Variants in PCDH15 observed in about 807,000 individuals in gnomAD.
PCDH15 encodes the protein protocadherin-15.
PCDH15 carries 129 observed loss-of-function variants against 178.5 expected under a neutral mutation model. The ratio of observed to expected loss-of-function variants is 0.72; its 90% confidence interval spans 0.63 to 0.84. PCDH15 has a LOEUF of 0.84. Among genes scored for constraint, PCDH15 ranks in the 40% least tolerant of loss-of-function variants. The pLI is 0.00. For missense variants in PCDH15, 2,230 were observed against 2,099.9 expected (o/e 1.06, Z -1.21); for synonymous variants, 800 against 732.0 (o/e 1.09, Z -1.50).
intron 2 of PCDH15, among the ~76,000 whole-genome samples, chr10:55,131,570 C>A (rs1838045983): frequency 1.3e-5 from 2 of 152,146 alleles, no homozygotes; most frequent in South Asian, 4.1e-4. Context: ...GGTATACAGA[C>A]AACTGGAGCA....
intron 2 of PCDH15, among the ~76,000 whole-genome samples, chr10:54,987,751 T>C (rs1184946776): frequency 2.0e-5 from 3 of 152,046 alleles, no homozygotes; most frequent in Non-Finnish European, 4.4e-5. Context: ...TTATAGATTC[T>C]GGATATAAGA....
rs79504036 is a variant in PCDH15, at chr10:54,174,386, A to T, written c.1590+9058T>A. On this transcript the variant is annotated intron_variant, in intron 13 of 37. Coordinates refer to ENST00000644397, the MANE Select transcript of PCDH15 (RefSeq NM_001384140.1). The stretch of plus-strand genomic sequence containing the variant: ...TCTCTAATAAAAATACAAAAAAAAA[A>T]TTGCCGGGCATGGTGGTGGGCTCCT... Among the ~76,000 whole-genome samples the T allele has an allele frequency of 2.0e-5, 3 of 151,764 alleles. No individual in the cohort carries two copies. In the South Asian group the frequency reaches 6.2e-4, roughly 32 times the overall value.
At chr10:53,914,627 TG>T (rs1423594977) in intron 25 of PCDH15, among the ~76,000 whole-genome samples, 1 of 152,070 alleles carries the variant, frequency 6.6e-6, no homozygotes, top group Non-Finnish European at 1.5e-5. Flanking sequence ...AGTTGGGGGC[TG>T]GCGGAGGGAT....
intron 3 of PCDH15, among the ~76,000 whole-genome samples, chr10:54,847,855 T>C (rs1223847633): frequency 6.6e-6 from 1 of 152,156 alleles, no homozygotes; most frequent in Non-Finnish European, 1.5e-5. Context: ...TCAAGAACAT[T>C]GCTCAAACTG....
chr10:54,129,768 T>G (rs2042274717), intron 15 of PCDH15, among the ~76,000 whole-genome samples: 1 of 152,176 alleles, frequency 6.6e-6, no homozygotes, highest in Non-Finnish European at 1.5e-5. Flanking sequence ...ATGGAACCCT[T>G]TGTATACAAA....
intron 1 of PCDH15, among the ~76,000 whole-genome samples, chr10:55,248,241 T>C (rs568252128): frequency 1.0e-3 from 156 of 152,068 alleles, no homozygotes; most frequent in African/African-American, 3.4e-3. Context: ...TATAATACTA[T>C]ATATCAGATT....
intron 3 of PCDH15, among the ~76,000 whole-genome samples, chr10:54,435,902 A>G (rs1399971330): frequency 1.3e-5 from 2 of 151,802 alleles, no homozygotes; most frequent in Admixed American, 6.6e-5. Context: ...CCCGGGAAGC[A>G]GAGCTTGCAG....
intron 1 of PCDH15, among the ~76,000 whole-genome samples, chr10:55,237,138 G>GA (rs1249260471): frequency 2.0e-5 from 3 of 152,016 alleles, no homozygotes; most frequent in Admixed American, 1.3e-4. Flanking sequence ...TTTAACATTA[G>GA]AAAAGTTTAA....
chr10:54,200,226 T>A (rs1049237191), intron 10 of PCDH15, among the ~76,000 whole-genome samples: 5 of 150,256 alleles, frequency 3.3e-5, no homozygotes, highest in African/African-American at 1.2e-4. Context: ...AAGAAAGAAA[T>A]CATGTTTTCC....
At chr10:54,036,247 T>A (rs2135468907) in intron 18 of PCDH15, among the ~76,000 whole-genome samples, 1 of 152,086 alleles carries the variant, frequency 6.6e-6, no homozygotes, top group East Asian at 1.9e-4. Context: ...AAAAACAGAT[T>A]TCCAATGTAG....
At chr10:55,315,141 C>T (rs1157206041) in intron 1 of PCDH15, among the ~76,000 whole-genome samples, 3 of 152,016 alleles carry the variant, frequency 2.0e-5, no homozygotes, top group African/African-American at 7.2e-5. Flanking sequence ...CATATACTTA[C>T]TGTACTTTCT....
rs57774224 is a variant in PCDH15, at chr10:55,560,313, C to T, written c.-156+67312G>A. Among the ~76,000 whole-genome samples, 519 of 151,920 alleles carry T rather than the reference C, an allele frequency of 3.4e-3. 1 individual carries two copies. Among genetic ancestry groups the T allele is most frequent in the African/African-American group, 0.011 (454 of 41,510 alleles). ...ATCCAGTATTCTTAGACTGGGAATG[C>T]TTGATGTTTTTTCCAACATTGTGAA... On this transcript the variant is annotated intron_variant, in intron 2 of 5. Transcript: ENST00000613346.
At chr10:54,697,092 ATAT>A (rs1328582678) in intron 1 of PCDH15, among the ~76,000 whole-genome samples, 5 of 151,988 alleles carry the variant, frequency 3.3e-5, no homozygotes, top group African/African-American at 1.2e-4. Context: ...ATTTTTGAAG[ATAT>A]TATTGTTATT....
intron 2 of PCDH15, among the ~76,000 whole-genome samples, chr10:55,334,312 A>ATTTT (rs199903169): frequency 1.6e-5 from 2 of 122,702 alleles, no homozygotes; most frequent in African/African-American, 7.5e-5. Context: ...ATATATATAT[A>ATTTT]TATTTTTTTT....
chr10:53,936,027 A>T (rs532410780), intron 25 of PCDH15, among the ~76,000 whole-genome samples: 1 of 152,340 alleles, frequency 6.6e-6, no homozygotes, highest in South Asian at 2.1e-4. Flanking sequence ...GATATGATCA[A>T]GCCTCCAGAT....
intron 3 of PCDH15, among the ~76,000 whole-genome samples, chr10:54,411,696 A>G (rs1487936516): frequency 6.6e-6 from 1 of 152,172 alleles, no homozygotes; most frequent in East Asian, 1.9e-4. Context: ...TCTGGATATC[A>G]GTACTTTTGA....
intron 6 of PCDH15, among the ~76,000 whole-genome samples, chr10:54,332,212 C>T (rs1295603253): frequency 8.4e-6 from 1 of 119,152 alleles, no homozygotes; most frequent in East Asian, 2.1e-4. Flanking sequence ...GTTAAATCAT[C>T]TTTAATTTAG....
intron 14 of PCDH15, among the ~76,000 whole-genome samples, chr10:54,148,117 G>A (rs2044163623): frequency 6.6e-6 from 1 of 152,014 alleles, no homozygotes; most frequent in Non-Finnish European, 1.5e-5. Context: ...TTCCTCTTCA[G>A]AATAACCTAG....
At chr10:54,431,834 T>C (rs1202438363) in intron 3 of PCDH15, among the ~76,000 whole-genome samples, 3 of 152,148 alleles carry the variant, frequency 2.0e-5, no homozygotes, top group Non-Finnish European at 4.4e-5. Flanking sequence ...TTGTAGATGT[T>C]ATAACCTTAC....
Sources: gnomAD v4.1 joint callset for allele counts (sites outside exome capture counted in the v4.1 genomes callset) on GRCh38, gnomAD v4.1.1 for gene constraint, MANE v1.5 for transcripts, NCBI Gene and HGNC (gene_info 2026-07-23, HGNC 2026-07-21) for gene names.